The following GALNTL6 variants were observed in gnomAD, a reference collection of about 807,000 sequenced individuals.
GALNTL6 encodes polypeptide N-acetylgalactosaminyltransferase like 6, also known as polypeptide N-acetylgalactosaminyltransferase-like 6.
A neutral mutation model predicts 73.7 loss-of-function variants in GALNTL6; 46 were observed. The observed-to-expected ratio is 0.62, with a 90% CI of 0.49 to 0.80. The LOEUF (loss-of-function observed/expected upper bound fraction) is 0.80, where lower values mean the gene tolerates loss of function less well. Ranked by LOEUF, GALNTL6 falls within the 30% of genes least tolerant of loss-of-function variation. The probability of loss-of-function intolerance (pLI) is 0.00; values close to 1 mark genes in which losing one functional copy is unlikely to be tolerated. For synonymous variants in GALNTL6, 259 were observed against 263.7 expected, an observed-to-expected ratio of 0.98 and a Z score of 0.17; for missense variants, 604 against 755.0, an observed-to-expected ratio of 0.80 and a Z score of 2.34.
chr4:172,468,679 G>A (rs959553120), intron 5 of GALNTL6, among the ~76,000 whole-genome samples: 1 of 152,190 alleles, frequency 6.6e-6, no homozygotes, highest in African/African-American at 2.4e-5. Flanking sequence ...TAAGGTGGTA[G>A]GTTGTAAGTC....
chr4:172,250,643 A>T (rs1005337601), intron 3 of GALNTL6, among the ~76,000 whole-genome samples: 4 of 152,120 alleles, frequency 2.6e-5, no homozygotes, highest in African/African-American at 9.7e-5. Context: ...GCAGAAGGAC[A>T]TGTTTGCTTC....
intron 5 of GALNTL6, among the ~76,000 whole-genome samples, chr4:172,498,427 C>G (rs1734146857): frequency 6.6e-6 from 1 of 152,014 alleles, no homozygotes. Context: ...AATGTGTACT[C>G]TATAGTATAA....
At chr4:171,852,433 TAAG>T (rs1424677928) in intron 2 of GALNTL6, among the ~76,000 whole-genome samples, 1 of 151,988 alleles carries the variant, frequency 6.6e-6, no homozygotes, top group African/African-American at 2.4e-5. Context: ...ATGTTGGAAA[TAAG>T]AAAATGATGG....
intron 9 of GALNTL6, among the ~76,000 whole-genome samples, chr4:172,941,811 T>C (rs1748935371): frequency 6.6e-6 from 1 of 152,234 alleles, no homozygotes; most frequent in Admixed American, 6.5e-5. Context: ...ATTTAATAAC[T>C]GTCTTCCAGG....
At chr4:172,357,632 TATACACACAC>T (rs1262944778) in intron 5 of GALNTL6, among the ~76,000 whole-genome samples, 1 of 7,630 alleles carries the variant, frequency 1.3e-4, no homozygotes, top group African/African-American at 1.9e-4. Context: ...TATATAGATA[TATACACACAC>T]ACACACACAC....
At chr4:172,692,179 C>T (rs1314942373) in intron 5 of GALNTL6, among the ~76,000 whole-genome samples, 1 of 152,040 alleles carries the variant, frequency 6.6e-6, no homozygotes, top group Admixed American at 6.6e-5. Flanking sequence ...TGTGCATCTG[C>T]TTGCATATTT....
At chr4:172,872,682 TAA>T (rs1394202130) in intron 7 of GALNTL6, among the ~76,000 whole-genome samples, 1 of 152,242 alleles carries the variant, frequency 6.6e-6, no homozygotes, top group East Asian at 1.9e-4. Context: ...GGAGTCTGCT[TAA>T]GAGTCAAACC....
chr4:172,123,373 C>A (rs978881872), intron 2 of GALNTL6, among the ~76,000 whole-genome samples: 2 of 151,836 alleles, frequency 1.3e-5, no homozygotes, highest in African/African-American at 4.8e-5. Context: ...AATGTTTCCA[C>A]CTTTATTCAC....
chr4:172,062,761 G>A (rs1470757411), intron 2 of GALNTL6, among the ~76,000 whole-genome samples: 1 of 152,156 alleles, frequency 6.6e-6, no homozygotes, highest in Middle Eastern at 3.2e-3. Context: ...CAGTGATGTT[G>A]TACAGAGAGG....
intron 5 of GALNTL6, among the ~76,000 whole-genome samples, chr4:172,593,445 C>T (rs917705894): frequency 6.6e-6 from 1 of 152,174 alleles, no homozygotes; most frequent in Non-Finnish European, 1.5e-5. Flanking sequence ...ATACAATGGA[C>T]ATGTTAGGAT....
chr4:172,906,165 G>C (rs2111251634), intron 8 of GALNTL6, among the ~76,000 whole-genome samples: 1 of 151,734 alleles, frequency 6.6e-6, no homozygotes, highest in East Asian at 1.9e-4. Context: ...ATGGCCAAAA[G>C]GAAATAATTA....
chr4:172,179,507 G>T (rs1735165261), intron 2 of GALNTL6, among the ~76,000 whole-genome samples: 1 of 138,806 alleles, frequency 7.2e-6, no homozygotes. Context: ...GGGGTTGTTT[G>T]TTTTTTTCTT....
chr4:172,699,937 C>T (rs543143589), intron 5 of GALNTL6, among the ~76,000 whole-genome samples: 1 of 152,212 alleles, frequency 6.6e-6, no homozygotes, highest in Admixed American at 6.5e-5. Flanking sequence ...TATCTAAACA[C>T]TCAAGTGAGT....
chr4:172,606,770 C>A (rs1423720839), intron 5 of GALNTL6, among the ~76,000 whole-genome samples: 1 of 148,496 alleles, frequency 6.7e-6, no homozygotes, highest in Non-Finnish European at 1.5e-5. Context: ...TGGCAAGGAT[C>A]TGAACTAATT....
chr4:171,908,453 T>A (rs1737367997), intron 2 of GALNTL6, among the ~76,000 whole-genome samples: 1 of 152,154 alleles, frequency 6.6e-6, no homozygotes, highest in South Asian at 2.1e-4. Flanking sequence ...TGAGATACCA[T>A]CTCACACCAG....
intron 5 of GALNTL6, among the ~76,000 whole-genome samples, chr4:172,744,312 T>C (rs904959232): frequency 1.5e-4 from 23 of 152,234 alleles, no homozygotes; most frequent in African/African-American, 4.8e-4. Flanking sequence ...TAAATTCCCT[T>C]TCCTAAGTGC....
intron 8 of GALNTL6, among the ~76,000 whole-genome samples, chr4:172,915,600 T>C (rs1296830600): frequency 6.6e-6 from 1 of 152,102 alleles, no homozygotes; most frequent in African/African-American, 2.4e-5. Context: ...CAAACTACCA[T>C]CAGAGAATAC....
chr4:172,807,652 T>C (rs1277776279), intron 5 of GALNTL6, among the ~76,000 whole-genome samples: 2 of 152,310 alleles, frequency 1.3e-5, no homozygotes, highest in African/African-American at 4.8e-5. Context: ...TGTATCACCA[T>C]TGTGGAGCTC....
At chr4:172,238,650 G>C (rs1417051185) in intron 3 of GALNTL6, among the ~76,000 whole-genome samples, 3 of 152,146 alleles carry the variant, frequency 2.0e-5, no homozygotes, top group East Asian at 3.9e-4. Context: ...AATAGGGAGT[G>C]ATGAGAGAGG....
Sources: allele counts gnomAD v4.1 joint callset (sites outside exome capture counted in the v4.1 genomes callset), GRCh38; gene constraint gnomAD v4.1.1; transcripts MANE v1.5; gene names NCBI Gene and HGNC (gene_info 2026-07-23, HGNC 2026-07-21).